RGL1: variants seen among roughly 807,000 people sequenced by gnomAD.
RGL1 encodes the protein ral guanine nucleotide dissociation stimulator-like 1.
A neutral mutation model predicts 95.2 loss-of-function variants in RGL1; 24 were observed. That is an observed-to-expected ratio of 0.25 (90% CI 0.18 to 0.35). The LOEUF is 0.35. Ranked by LOEUF, RGL1 falls within the 10% of genes least tolerant of loss-of-function variation. The probability of loss-of-function intolerance (pLI) is 1.00; values close to 1 mark genes in which losing one functional copy is unlikely to be tolerated. For missense variants in RGL1, 715 were observed against 936.3 expected, an observed-to-expected ratio of 0.76 and a Z score of 3.08; for synonymous variants, 329 against 344.9, an observed-to-expected ratio of 0.95 and a Z score of 0.51.
intron 1 of RGL1, among the ~76,000 whole-genome samples, chr1:183,717,922 G>A (rs1335756398): frequency 6.6e-6 from 1 of 152,158 alleles, no homozygotes; most frequent in South Asian, 2.1e-4. Flanking sequence ...GGATATGGTG[G>A]AAGGGAAGCA....
intron 1 of RGL1, among the ~76,000 whole-genome samples, chr1:183,736,720 G>A (rs1288044060): frequency 6.6e-6 from 1 of 152,174 alleles, no homozygotes; most frequent in African/African-American, 2.4e-5. Context: ...GAAGGGACTG[G>A]AACAGGGTAA....
intron 2 of RGL1, among the ~76,000 whole-genome samples, chr1:183,832,622 A>C (rs1663337720): frequency 6.6e-6 from 1 of 152,010 alleles, no homozygotes; most frequent in African/African-American, 2.4e-5. Flanking sequence ...ATTTTTGAGG[A>C]AGATGAGATA....
chr1:183,890,600 T>A (rs1206818215), intron 8 of RGL1, among the ~76,000 whole-genome samples: 1 of 152,208 alleles, frequency 6.6e-6, no homozygotes, highest in Non-Finnish European at 1.5e-5. Context: ...TTGGACATGG[T>A]ACATCTATAC....
chr1:183,731,631 T>C (rs1656633450), intron 1 of RGL1, among the ~76,000 whole-genome samples: 2 of 152,174 alleles, frequency 1.3e-5, no homozygotes, highest in African/African-American at 4.8e-5. Context: ...TGAAAGGCCA[T>C]GACAAAATGA....
intron 1 of RGL1, among the ~76,000 whole-genome samples, chr1:183,667,901 T>C (rs1572249854): frequency 6.6e-6 from 1 of 152,208 alleles, no homozygotes; most frequent in Non-Finnish European, 1.5e-5. Flanking sequence ...AATAACACTA[T>C]ACGGCTTCAG....
intron 1 of RGL1, among the ~76,000 whole-genome samples, chr1:183,670,481 C>A (rs1652367945): frequency 6.6e-6 from 1 of 152,236 alleles, no homozygotes; most frequent in Non-Finnish European, 1.5e-5. Flanking sequence ...TGGAAGCCCC[C>A]ATATGACTGG....
At chr1:183,690,357 C>T (rs955155215) in intron 1 of RGL1, among the ~76,000 whole-genome samples, 2 of 151,986 alleles carry the variant, frequency 1.3e-5, no homozygotes, top group African/African-American at 2.4e-5. Flanking sequence ...AAGAATGTTA[C>T]GTTTTGTAGT....
At chr1:183,886,594 A>G (rs1667122595) in intron 7 of RGL1, among the ~76,000 whole-genome samples, 1 of 152,186 alleles carries the variant, frequency 6.6e-6, no homozygotes, top group African/African-American at 2.4e-5. Flanking sequence ...AAGTTGAATC[A>G]TTTGAAGTAT....
At chr1:183,863,367 A>G (rs867339314) in intron 3 of RGL1, among the ~76,000 whole-genome samples, 23 of 150,140 alleles carry the variant, frequency 1.5e-4, no homozygotes, top group African/African-American at 5.4e-4. Context: ...GCGTCTTGCT[A>G]TGTGTTGCCC....
At chr1:183,739,821 A>C (rs1337468643) in intron 1 of RGL1, among the ~76,000 whole-genome samples, 4 of 152,198 alleles carry the variant, frequency 2.6e-5, no homozygotes, top group Admixed American at 2.0e-4. Flanking sequence ...GTCAGTGCAC[A>C]GTAGAGTTCA....
intron 2 of RGL1, among the ~76,000 whole-genome samples, chr1:183,828,976 A>C (rs997902550): frequency 5.3e-5 from 8 of 152,294 alleles, no homozygotes; most frequent in African/African-American, 1.9e-4. Flanking sequence ...GTCATGGTTT[A>C]TTTCATTTTG....
At chr1:183,636,454 C>A (rs1558125380) in exon 1 of RGL1, 4 of 329,052 alleles carry the variant, frequency 1.2e-5, no homozygotes, top group Admixed American at 9.8e-5. Flanking sequence ...TCTTATCTGT[C>A]AGTGCTGTGT....
At chr1:183,910,776 G>C (rs1269491236) in intron 14 of RGL1, among the ~76,000 whole-genome samples, 1 of 152,106 alleles carries the variant, frequency 6.6e-6, no homozygotes, top group East Asian at 1.9e-4. Context: ...TTCACTTAGA[G>C]GTGAAATGTT....
chr1:183,868,030 G>T (rs1203465946), intron 4 of RGL1, among the ~76,000 whole-genome samples: 2 of 152,212 alleles, frequency 1.3e-5, no homozygotes, highest in Non-Finnish European at 2.9e-5. Context: ...AGGTACAGTG[G>T]GAGGAACAAT....
intron 1 of RGL1, among the ~76,000 whole-genome samples, chr1:183,687,880 C>A (rs1653705902): frequency 6.6e-6 from 1 of 152,016 alleles, no homozygotes; most frequent in Non-Finnish European, 1.5e-5. Context: ...ATCAATGATT[C>A]TTTTAAGAAA....
intron 2 of RGL1, among the ~76,000 whole-genome samples, chr1:183,843,620 TAAG>T (rs1405562094): frequency 1.3e-5 from 2 of 152,204 alleles, no homozygotes; most frequent in Non-Finnish European, 2.9e-5. Flanking sequence ...TCACTTTTGA[TAAG>T]AAGGATTTAG....
intron 4 of RGL1, among the ~76,000 whole-genome samples, chr1:183,871,306 A>G (rs553043367): frequency 2.0e-5 from 3 of 152,332 alleles, no homozygotes; most frequent in South Asian, 4.1e-4. Flanking sequence ...GAGCTGAGCT[A>G]AAGCATTGTC....
intron 2 of RGL1, among the ~76,000 whole-genome samples, chr1:183,792,513 G>GAAA (rs1660485501): frequency 6.6e-6 from 1 of 152,068 alleles, no homozygotes; most frequent in African/African-American, 2.4e-5. Context: ...AACCAAACTG[G>GAAA]AAAAGAGGAA....
chr1:183,873,396 A>G (rs1158068305), intron 4 of RGL1, among the ~76,000 whole-genome samples: 2 of 152,236 alleles, frequency 1.3e-5, no homozygotes, highest in Non-Finnish European at 2.9e-5. Flanking sequence ...CATCACAAAT[A>G]TGCTGAGATA....
Sources: gnomAD v4.1 joint callset for allele counts (sites outside exome capture counted in the v4.1 genomes callset) on GRCh38, gnomAD v4.1.1 for gene constraint, MANE v1.5 for transcripts, NCBI Gene and HGNC (gene_info 2026-07-23, HGNC 2026-07-21) for gene names.